Variants in PLPPR1 observed in about 807,000 individuals in gnomAD.
PLPPR1 encodes the protein phospholipid phosphatase-related protein type 1.
A neutral mutation model predicts 33.1 loss-of-function variants in PLPPR1; 10 were observed. That is an observed-to-expected ratio of 0.30 (90% CI 0.19 to 0.51). The LOEUF (loss-of-function observed/expected upper bound fraction) is 0.51, where lower values mean the gene tolerates loss of function less well. Ranked by LOEUF, PLPPR1 falls within the 20% of genes least tolerant of loss-of-function variation. The probability of loss-of-function intolerance (pLI) is 0.97; values close to 1 mark genes in which losing one functional copy is unlikely to be tolerated. For synonymous variants in PLPPR1, 151 were observed against 151.0 expected (o/e 1.00, Z 0.00); for missense variants, 304 against 408.1 (o/e 0.74, Z 2.20).
At chr9:101,043,976 CCA>C (rs755509011) in intron 1 of PLPPR1, among the ~76,000 whole-genome samples, 5 of 151,862 alleles carry the variant, frequency 3.3e-5, no homozygotes, top group Non-Finnish European at 7.4e-5. Context: ...GACCAAGAAC[CCA>C]AAAGCAAATG....
chr9:101,119,633 C>A (rs1170246362), intron 1 of PLPPR1, among the ~76,000 whole-genome samples: 1 of 152,210 alleles, frequency 6.6e-6, no homozygotes, highest in Non-Finnish European at 1.5e-5. Flanking sequence ...CAATGGGAAA[C>A]TAGAAACTCA....
At chr9:101,150,111 T>C (rs902696133) in intron 1 of PLPPR1, among the ~76,000 whole-genome samples, 10 of 152,114 alleles carry the variant, frequency 6.6e-5, no homozygotes, top group Non-Finnish European at 1.5e-4. Context: ...TTATTTTCCA[T>C]TTCTCTGCCA....
At chr9:101,046,973 G>A (rs549286829) in intron 1 of PLPPR1, among the ~76,000 whole-genome samples, 22 of 152,144 alleles carry the variant, frequency 1.4e-4, no homozygotes, top group Non-Finnish European at 2.5e-4. Context: ...TAGATTGGGG[G>A]TCGGGGGAGA....
chr9:101,291,101 C>T (rs528966003), intron 4 of PLPPR1, among the ~76,000 whole-genome samples: 2 of 152,318 alleles, frequency 1.3e-5, no homozygotes, highest in African/African-American at 4.8e-5. Context: ...GCTTTTCCGA[C>T]AACAGGCTTA....
At chr9:101,195,792 C>A (rs114215518) in intron 2 of PLPPR1, among the ~76,000 whole-genome samples, 1,613 of 152,250 alleles carry the variant, frequency 0.011, 31 homozygotes, top group African/African-American at 0.035. Flanking sequence ...CACGTGTTCC[C>A]TGTGAATTTC....
intron 6 of PLPPR1, among the ~76,000 whole-genome samples, chr9:101,313,961 T>A (rs1335127114): frequency 1.3e-5 from 2 of 152,240 alleles, no homozygotes; most frequent in Non-Finnish European, 1.5e-5. Context: ...TTGAGATTCA[T>A]CTATGTTGTA....
intron 2 of PLPPR1, among the ~76,000 whole-genome samples, chr9:101,258,726 C>A (rs577802994): frequency 5.6e-4 from 85 of 152,290 alleles, no homozygotes; most frequent in African/African-American, 1.9e-3. Flanking sequence ...CCTTTCCCTT[C>A]TTTGAGGCAG....
intron 2 of PLPPR1, among the ~76,000 whole-genome samples, chr9:101,213,651 T>G (rs573272710): frequency 1.3e-5 from 2 of 152,284 alleles, no homozygotes; most frequent in East Asian, 3.9e-4. Flanking sequence ...AGGATACTCT[T>G]TATCAATTCC....
intron 2 of PLPPR1, among the ~76,000 whole-genome samples, chr9:101,194,991 A>G (rs1826370379): frequency 6.6e-6 from 1 of 152,190 alleles, no homozygotes; most frequent in Non-Finnish European, 1.5e-5. Context: ...CTATGCCTAA[A>G]TCTCAGTGGC....
intron 2 of PLPPR1, among the ~76,000 whole-genome samples, chr9:101,250,773 C>T (rs1244467526): frequency 2.6e-5 from 4 of 152,016 alleles, no homozygotes; most frequent in African/African-American, 9.7e-5. Flanking sequence ...ATACCAAATT[C>T]CATGCCAAAC....
chr9:101,312,584 A>C (rs1413248332), intron 5 of PLPPR1, among the ~76,000 whole-genome samples: 5 of 152,226 alleles, frequency 3.3e-5, no homozygotes, highest in African/African-American at 1.2e-4. Context: ...AGACTGAAGA[A>C]TGTACATCTG....
At chr9:101,068,675 C>A (rs544703570) in intron 1 of PLPPR1, among the ~76,000 whole-genome samples, 1 of 151,758 alleles carries the variant, frequency 6.6e-6, no homozygotes, top group South Asian at 2.1e-4. Context: ...CCCCAAACAC[C>A]GAGAGACAAA....
intron 1 of PLPPR1, among the ~76,000 whole-genome samples, chr9:101,059,369 C>T (rs1830316385): frequency 6.6e-6 from 1 of 151,914 alleles, no homozygotes; most frequent in African/African-American, 2.4e-5. Flanking sequence ...GCATTACACA[C>T]AATAAACTAA....
At position 101,259,813 on chromosome 9, in the gene PLPPR1, G is replaced by C. The variant is rs552505799; in HGVS notation, c.64-10067G>C. On this transcript the variant is annotated intron_variant, in intron 2 of 7. Coordinates refer to ENST00000374874, the MANE Select transcript of PLPPR1 (RefSeq NM_207299.2). ...GCTTCCAGGTCACAGGTAGATAAGA[G>C]ACAAATGGTTGCATTCTTTTGAGTT... Among the ~76,000 whole-genome samples the C allele has an allele frequency of 5.3e-5, 8 of 152,268 alleles. No homozygotes were observed. The South Asian group carries it at 1.7e-3, about 32-fold the overall frequency.
At chr9:101,184,199 A>C (rs1488909133) in intron 1 of PLPPR1, among the ~76,000 whole-genome samples, 1 of 151,856 alleles carries the variant, frequency 6.6e-6, no homozygotes, top group Admixed American at 6.6e-5. Flanking sequence ...GAAAATATCC[A>C]ATTTTAATTG....
chr9:101,193,393 C>T (rs770971011), intron 2 of PLPPR1, among the ~76,000 whole-genome samples: 4 of 151,930 alleles, frequency 2.6e-5, no homozygotes, highest in African/African-American at 4.8e-5. Flanking sequence ...GGGAGTGGGG[C>T]GGGAAATACA....
intron 2 of PLPPR1, among the ~76,000 whole-genome samples, chr9:101,203,227 CAGATGGAGCA>C (rs1826523804): frequency 6.6e-6 from 1 of 152,148 alleles, no homozygotes; most frequent in South Asian, 2.1e-4. Context: ...GGCTATGTTA[CAGATGGAGCA>C]AGATGGAGCA....
chr9:101,172,009 C>T (rs1203444197), intron 1 of PLPPR1, among the ~76,000 whole-genome samples: 3 of 152,058 alleles, frequency 2.0e-5, no homozygotes, highest in Non-Finnish European at 4.4e-5. Context: ...CTTTTCTACT[C>T]CAACTGCCTT....
chr9:101,242,578 T>C (rs1035984409), intron 2 of PLPPR1, among the ~76,000 whole-genome samples: 1 of 152,056 alleles, frequency 6.6e-6, no homozygotes, highest in Non-Finnish European at 1.5e-5. Context: ...TTTCAGTTTA[T>C]ATCTGCCTTA....
Sources: allele counts gnomAD v4.1 joint callset (sites outside exome capture counted in the v4.1 genomes callset), GRCh38; gene constraint gnomAD v4.1.1; transcripts MANE v1.5; gene names NCBI Gene and HGNC (gene_info 2026-07-23, HGNC 2026-07-21).